The following MYO3A variants were observed in gnomAD, a reference collection of about 807,000 sequenced individuals.
MYO3A encodes the protein myosin IIIA.
MYO3A carries 180 observed loss-of-function variants against 192.7 expected under a neutral mutation model. That is an observed-to-expected ratio of 0.93 (90% CI 0.83 to 1.06). MYO3A has a LOEUF of 1.06. MYO3A is among the 50% of genes least tolerant of loss of function. The pLI is 0.00. For missense variants in MYO3A, 1,896 were observed against 1,905.0 expected, an observed-to-expected ratio of 1.00 and a Z score of 0.09; for synonymous variants, 628 against 645.3, an observed-to-expected ratio of 0.97 and a Z score of 0.41.
chr10:26,027,791 T>A (rs1435438439), intron 10 of MYO3A, among the ~76,000 whole-genome samples: 3 of 152,224 alleles, frequency 2.0e-5, no homozygotes, highest in African/African-American at 7.2e-5. Flanking sequence ...TTCCCTTGCC[T>A]GACAATTTAA....
chr10:26,095,510 G>A (rs1018144158), intron 15 of MYO3A, among the ~76,000 whole-genome samples: 3 of 152,116 alleles, frequency 2.0e-5, no homozygotes, highest in African/African-American at 7.2e-5. Context: ...AAGTAGAGAT[G>A]GGGAAACTAT....
In MYO3A at chr10:26,125,378, T is replaced by C; in HGVS notation, c.1904-20T>C. On this transcript the variant is annotated intron_variant, in intron 18 of 34. Coordinates refer to ENST00000642920, the MANE Select transcript of MYO3A (RefSeq NM_017433.5). The stretch of plus-strand genomic sequence containing the variant: ...TCATTGCCATAATTTCTTCTAACAA[T>C]GCATCTGTTTGTTTTTCAGGTGCTT... 6.2e-7 allele frequency: 1 copy of C among 1,612,132 alleles called. No homozygotes were observed. The highest frequency in any genetic ancestry group is 8.5e-7 in the Non-Finnish European group (1 of 1,178,408).
At chr10:26,172,829 G>T (rs1842115459) in intron 29 of MYO3A, among the ~76,000 whole-genome samples, 1 of 152,154 alleles carries the variant, frequency 6.6e-6, no homozygotes, top group African/African-American at 2.4e-5. Flanking sequence ...AATCCCGGTA[G>T]CTTTTTCCAG....
intron 2 of MYO3A, among the ~76,000 whole-genome samples, chr10:25,943,634 T>G (rs1223515303): frequency 6.6e-6 from 1 of 152,146 alleles, no homozygotes; most frequent in Non-Finnish European, 1.5e-5. Flanking sequence ...TCTTTTTGAT[T>G]CTATTGTAGA....
intron 31 of MYO3A, among the ~76,000 whole-genome samples, chr10:26,180,365 A>G (rs752113425): frequency 1.3e-5 from 2 of 152,230 alleles, no homozygotes; most frequent in Non-Finnish European, 2.9e-5. Flanking sequence ...ATTCTTTAAC[A>G]ATATGAAGAA....
intron 4 of MYO3A, among the ~76,000 whole-genome samples, chr10:25,991,172 C>T (rs1367105505): frequency 2.6e-5 from 4 of 152,194 alleles, no homozygotes; most frequent in Non-Finnish European, 5.9e-5. Flanking sequence ...TCTCCAGCAC[C>T]TGTTGTTTCC....
At chr10:26,135,502 A>G (rs1839794756) in intron 20 of MYO3A, among the ~76,000 whole-genome samples, 1 of 152,142 alleles carries the variant, frequency 6.6e-6, no homozygotes. Flanking sequence ...CCCAGGGAGC[A>G]CTTAGGCTGG....
chr10:26,015,819 G>A (rs745359155), intron 6 of MYO3A, among the ~76,000 whole-genome samples: 31 of 152,234 alleles, frequency 2.0e-4, no homozygotes, highest in South Asian at 8.3e-4. Context: ...GCATATGGCC[G>A]TTGAATTTCA....
chr10:26,127,558 C>G (rs1055773787), intron 19 of MYO3A, among the ~76,000 whole-genome samples: 1 of 152,068 alleles, frequency 6.6e-6, no homozygotes. Flanking sequence ...AAATGTAGAG[C>G]GGATCCTTCA....
chr10:25,958,668 A>G (rs1837721122), intron 4 of MYO3A, among the ~76,000 whole-genome samples: 1 of 152,196 alleles, frequency 6.6e-6, no homozygotes, highest in Non-Finnish European at 1.5e-5. Flanking sequence ...TTGAATCTAT[A>G]AATTGCTTTG....
intron 15 of MYO3A, among the ~76,000 whole-genome samples, chr10:26,094,868 A>G (rs1331114628): frequency 6.6e-6 from 1 of 152,230 alleles, no homozygotes; most frequent in East Asian, 1.9e-4. Context: ...GTAATTATGC[A>G]TATCATGAAG....
chr10:26,033,198 C>T (rs372191915), intron 10 of MYO3A, among the ~76,000 whole-genome samples: 8 of 152,030 alleles, frequency 5.3e-5, no homozygotes, highest in African/African-American at 7.2e-5. Flanking sequence ...TTCAGCCTCC[C>T]GAGTAGCTGT....
chr10:26,201,365 G>C (rs1051290277), intron 33 of MYO3A, 60 bp downstream of exon 33: 1 of 1,303,220 alleles, frequency 7.7e-7, no homozygotes, highest in Non-Finnish European at 1.1e-6. Context: ...AAAAATCCAT[G>C]TGTTCAAATT....
chr10:26,196,509 A>T (rs574066252), intron 32 of MYO3A, among the ~76,000 whole-genome samples: 2 of 152,344 alleles, frequency 1.3e-5, no homozygotes, highest in Admixed American at 1.3e-4. Flanking sequence ...TTTGAAATCT[A>T]TGACTTCAAT....
At chr10:26,178,738 A>G (rs1357619604) in intron 31 of MYO3A, among the ~76,000 whole-genome samples, 1 of 152,072 alleles carries the variant, frequency 6.6e-6, no homozygotes, top group Non-Finnish European at 1.5e-5. Context: ...ATATTAACTG[A>G]ACACTTCAGC....
chr10:26,200,191 C>T (rs1843619221), intron 32 of MYO3A, among the ~76,000 whole-genome samples: 1 of 152,136 alleles, frequency 6.6e-6, no homozygotes, highest in Non-Finnish European at 1.5e-5. Context: ...GTTAAAATGC[C>T]AACCAATAAG....
Position 26,176,151 on chromosome 10 carries a change from G to A in MYO3A, c.4294-550G>A, listed in dbSNP as rs1275424403. On this transcript the variant is annotated intron_variant, in intron 30 of 34. Transcript: ENST00000642920. The stretch of plus-strand genomic sequence containing the variant: ...CTACTAAAAATACAAAAAATCAGCC[G>A]GGCGTGGTGGCAGGCACCTGTAGTC... 3.9e-5 allele frequency among the ~76,000 whole-genome samples: 6 copies of A among 152,134 alleles called. No homozygotes were observed. In the East Asian group the frequency reaches 1.2e-3, roughly 29 times the overall value.
At chr10:25,949,273 T>A (rs1837054102) in intron 2 of MYO3A, among the ~76,000 whole-genome samples, 1 of 152,126 alleles carries the variant, frequency 6.6e-6, no homozygotes, top group Non-Finnish European at 1.5e-5. Context: ...TATGTCTGTG[T>A]ATTGAAAAAC....
chr10:25,953,138 C>T (rs1837312547), intron 3 of MYO3A, among the ~76,000 whole-genome samples: 1 of 151,908 alleles, frequency 6.6e-6, no homozygotes, highest in Non-Finnish European at 1.5e-5. Flanking sequence ...ATGATGGGAG[C>T]ATGGCATGAT....
Sources: allele counts gnomAD v4.1 joint callset (sites outside exome capture counted in the v4.1 genomes callset), GRCh38; gene constraint gnomAD v4.1.1; transcripts MANE v1.5; gene names NCBI Gene and HGNC (gene_info 2026-07-23, HGNC 2026-07-21).